The following SHANK2 variants were observed in gnomAD, a reference collection of about 807,000 sequenced individuals.
SHANK2 encodes the protein SH3 and multiple ankyrin repeat domains protein 2.
SHANK2 carries 43 observed loss-of-function variants against 133.7 expected under a neutral mutation model. That is an observed-to-expected ratio of 0.32 (90% CI 0.25 to 0.41). The LOEUF is 0.41. Among genes scored for constraint, SHANK2 ranks in the 10% least tolerant of loss-of-function variants. SHANK2 has a pLI of 1.00. For synonymous variants in SHANK2, 1,017 were observed against 952.8 expected, an observed-to-expected ratio of 1.07 and a Z score of -1.24; for missense variants, 1,994 against 2,235.8, an observed-to-expected ratio of 0.89 and a Z score of 2.18.
chr11:71,130,646 G>T (rs1248606275), intron 3 of SHANK2, among the ~76,000 whole-genome samples: 3 of 152,158 alleles, frequency 2.0e-5, no homozygotes, highest in Non-Finnish European at 4.4e-5. Flanking sequence ...TGGATTCAGG[G>T]ACCTCCACCT....
intron 14 of SHANK2, among the ~76,000 whole-genome samples, chr11:70,765,930 C>T (rs899532357): frequency 5.9e-5 from 9 of 151,578 alleles, no homozygotes; most frequent in Non-Finnish European, 1.0e-4. Flanking sequence ...ACCTTGGAAA[C>T]GGGAAGAAAG....
chr11:70,584,679 C>T (rs1420395003), intron 17 of SHANK2, among the ~76,000 whole-genome samples: 4 of 152,228 alleles, frequency 2.6e-5, no homozygotes, highest in Admixed American at 6.5e-5. Context: ...TTTCCCCCCT[C>T]TCCCTCTGCC....
At chr11:70,618,876 C>T (rs1237538594) in intron 17 of SHANK2, among the ~76,000 whole-genome samples, 1 of 152,220 alleles carries the variant, frequency 6.6e-6, no homozygotes, top group Non-Finnish European at 1.5e-5. Flanking sequence ...TGGAACAAAT[C>T]CAGCAACCCT....
intron 2 of SHANK2, among the ~76,000 whole-genome samples, chr11:71,213,577 T>C (rs1223911883): frequency 8.5e-5 from 13 of 152,174 alleles, no homozygotes; most frequent in Admixed American, 8.5e-4. Flanking sequence ...GCACGAGCCA[T>C]GTGGGGCATT....
chr11:70,752,895 C>T (rs1418354868), intron 14 of SHANK2, among the ~76,000 whole-genome samples: 2 of 152,056 alleles, frequency 1.3e-5, no homozygotes, highest in Admixed American at 6.6e-5. Flanking sequence ...AGGCAGATCA[C>T]GTGAGGTCAG....
intron 15 of SHANK2, among the ~76,000 whole-genome samples, chr11:70,676,411 C>T (rs1555017206): frequency 6.6e-6 from 1 of 152,224 alleles, no homozygotes; most frequent in African/African-American, 2.4e-5. Flanking sequence ...GAACTGCTCC[C>T]TGGCACCCCC....
At chr11:70,859,907 C>A (rs911946441) in intron 11 of SHANK2, among the ~76,000 whole-genome samples, 1 of 152,180 alleles carries the variant, frequency 6.6e-6, no homozygotes. Context: ...GAAACCATGA[C>A]CCGGGGTCCA....
At chr11:70,726,725 T>C (rs1946188275) in intron 14 of SHANK2, among the ~76,000 whole-genome samples, 1 of 152,220 alleles carries the variant, frequency 6.6e-6, no homozygotes, top group Non-Finnish European at 1.5e-5. Context: ...GCTCCTCTTA[T>C]CAAGAGACAA....
At chr11:70,653,627 T>C (rs1555010761) in intron 17 of SHANK2, among the ~76,000 whole-genome samples, 1 of 151,162 alleles carries the variant, frequency 6.6e-6, no homozygotes. Context: ...TGATCAGTCA[T>C]TAGGCTTGCT....
intron 2 of SHANK2, among the ~76,000 whole-genome samples, chr11:71,218,444 G>A (rs1202297969): frequency 6.6e-6 from 1 of 151,788 alleles, no homozygotes; most frequent in Non-Finnish European, 1.5e-5. Context: ...TGTATGTTTC[G>A]TAGAGACGGG....
Position 70,820,537 on chromosome 11 carries a change from G to A in SHANK2, c.1320C>T (p.Thr440=), listed in dbSNP as rs1948495085. ...GCTGGGGTGACAGGCTGCGGTGCGA[G>A]GTGGCCGTGGAGCAGACGGCCCAGT... The part of the protein sequence containing the change: ...APDWAVCSTA[T]SHRSLSPQLL... The change falls in exon 12 of 26, where the codon ACC becomes ACT. Residue 440 remains threonine (T), a synonymous_variant. Transcript: ENST00000601538. 1.4e-6 allele frequency: 1 copy of A among 717,112 alleles called. No individual in the cohort carries two copies. 44.4% of individuals were successfully genotyped at this position (717,112 alleles called of 1,614,324 possible).
chr11:70,889,002 A>G (rs1475713152), intron 11 of SHANK2, among the ~76,000 whole-genome samples: 1 of 152,134 alleles, frequency 6.6e-6, no homozygotes, highest in Non-Finnish European at 1.5e-5. Context: ...TGAGAAGACA[A>G]AAGTCATGAA....
chr11:70,626,629 C>T (rs1259242025), intron 17 of SHANK2, among the ~76,000 whole-genome samples: 2 of 152,224 alleles, frequency 1.3e-5, no homozygotes, highest in African/African-American at 2.4e-5. Flanking sequence ...AGCTTTATGC[C>T]ACAGAGCCCA....
intron 2 of SHANK2, among the ~76,000 whole-genome samples, chr11:71,201,334 G>A (rs782226503): frequency 2.2e-4 from 33 of 152,232 alleles, no homozygotes; most frequent in Non-Finnish European, 3.7e-4. Flanking sequence ...TTGTGATCCC[G>A]AGGACAAGCA....
At chr11:70,536,059 C>A (rs1252010136) in intron 17 of SHANK2, among the ~76,000 whole-genome samples, 1 of 152,226 alleles carries the variant, frequency 6.6e-6, no homozygotes, top group Non-Finnish European at 1.5e-5. Context: ...CGTGGACACA[C>A]CTGCACCCCC....
intron 11 of SHANK2, chr11:70,895,419 C>G (rs1949918370): frequency 1.3e-5 from 2 of 152,662 alleles, no homozygotes; most frequent in Admixed American, 6.5e-5. Context: ...AATGGGACTG[C>G]TCCCCGCTGC....
intron 14 of SHANK2, among the ~76,000 whole-genome samples, chr11:70,733,895 A>G (rs887332740): frequency 1.3e-5 from 2 of 152,220 alleles, no homozygotes; most frequent in African/African-American, 4.8e-5. Context: ...TGACCCCCCA[A>G]GCACTTGCTA....
chr11:70,906,777 C>T lies in SHANK2; in HGVS notation c.1108-10210G>A, dbSNP rs188665455. On this transcript the variant is annotated intron_variant, in intron 10 of 25. Transcript: ENST00000601538. ...TTTAATTACAGGCATCCTCCAAGCACGGCAGGGAGTGGGCCTGGGCTCCTG... is the reference window on the plus strand; with the variant it reads ...TTTAATTACAGGCATCCTCCAAGCATGGCAGGGAGTGGGCCTGGGCTCCTG... Among the ~76,000 whole-genome samples the T allele has an allele frequency of 6.2e-4, 95 of 152,294 alleles. 1 individual carries two copies. Among genetic ancestry groups the T allele is most frequent in the African/African-American group, 2.2e-3 (92 of 41,562 alleles).
chr11:70,822,666 T>G (rs374300371), intron 11 of SHANK2, among the ~76,000 whole-genome samples: 1 of 47,540 alleles, frequency 2.1e-5, no homozygotes, highest in African/African-American at 8.9e-5. Flanking sequence ...AGAGGTGGCG[T>G]TGGCAGAGCC....
Sources: allele counts gnomAD v4.1 joint callset (sites outside exome capture counted in the v4.1 genomes callset), GRCh38; gene constraint gnomAD v4.1.1; transcripts MANE v1.5; gene names NCBI Gene and HGNC (gene_info 2026-07-23, HGNC 2026-07-21).